The following FBXL7 variants were observed in gnomAD, a reference collection of about 807,000 sequenced individuals.
FBXL7 encodes F-box/LRR-repeat protein 7.
Under a neutral mutation model 38.3 loss-of-function variants are expected in FBXL7, and 12 were observed. The observed-to-expected ratio is 0.31, with a 90% CI of 0.20 to 0.51. The LOEUF (loss-of-function observed/expected upper bound fraction) is 0.51. FBXL7 is among the 20% of genes least tolerant of loss of function. The probability of loss-of-function intolerance (pLI) is 0.98; values close to 1 mark genes in which losing one functional copy is unlikely to be tolerated. For missense variants in FBXL7, 567 were observed against 676.4 expected (o/e 0.84, Z 1.79); for synonymous variants, 297 against 300.9 (o/e 0.99, Z 0.13).
chr5:15,928,123 T>C lies in FBXL7; in HGVS notation c.361T>C (p.Ser121Pro). 6.2e-7 allele frequency: 1 copy of C among 1,602,482 alleles called. No individual in the cohort carries two copies. Among genetic ancestry groups the C allele is most frequent in the Non-Finnish European group, 8.5e-7 (1 of 1,177,534 alleles). Residue 121 changes from serine to proline, a missense_variant, in exon 3 of 4, where the codon TCC (serine) becomes CCC (proline). Physicochemically the swap from Ser to Pro is moderately conservative, Grantham distance 74 (BLOSUM62 -1). Coordinates refer to ENST00000504595, the MANE Select transcript of FBXL7 (RefSeq NM_012304.5). The surrounding 1 kb of genome is among the most constrained non-coding windows in gnomAD (Gnocchi z 4.0). The part of the protein sequence containing the change: ...QASIDRLPDH[S>P]MVQIFSFLPT... ...CAGCATAGACCGGCTCCCGGACCAC[T>C]CCATGGTGCAGATCTTCTCCTTCCT... is the stretch of plus-strand genomic sequence containing the variant.
intron 2 of FBXL7, among the ~76,000 whole-genome samples, chr5:15,723,972 G>T (rs1462600382): frequency 6.6e-6 from 1 of 152,108 alleles, no homozygotes; most frequent in Non-Finnish European, 1.5e-5. Context: ...ATTTGGAAGG[G>T]CAATCCCCTC....
chr5:15,575,318 T>C (rs912568343), intron 1 of FBXL7, among the ~76,000 whole-genome samples: 4 of 152,246 alleles, frequency 2.6e-5, no homozygotes, highest in African/African-American at 9.6e-5. Context: ...ATTTATTTAC[T>C]TTTATCATTT....
rs557387685 is a variant in FBXL7, at chr5:15,539,908, G to A, written c.37+39195G>A. Among the ~76,000 whole-genome samples, 4 of 152,122 alleles carry A rather than the reference G, an allele frequency of 2.6e-5. No individual in the cohort carries two copies. The South Asian group carries it at 8.3e-4, about 32-fold the overall frequency. On this transcript the variant is annotated intron_variant, in intron 1 of 3. Coordinates refer to ENST00000504595, the MANE Select transcript of FBXL7 (RefSeq NM_012304.5). ...ATTTTTAGAAAATACAAAGTTGGGC[G>A]AAAACCTGCTTTCCTGGTTGTATTT...
chr5:15,706,538 T>G (rs1743685669), intron 2 of FBXL7, among the ~76,000 whole-genome samples: 1 of 152,156 alleles, frequency 6.6e-6, no homozygotes, highest in African/African-American at 2.4e-5. Flanking sequence ...TGGGATACAA[T>G]GTGTAGAGAA....
chr5:15,574,541 A>G (rs1738895807), intron 1 of FBXL7, among the ~76,000 whole-genome samples: 1 of 152,234 alleles, frequency 6.6e-6, no homozygotes, highest in Non-Finnish European at 1.5e-5. Context: ...AAACATTCAT[A>G]AACAGTGAAG....
chr5:15,566,212 T>C (rs1738567685), intron 1 of FBXL7, among the ~76,000 whole-genome samples: 1 of 152,048 alleles, frequency 6.6e-6, no homozygotes, highest in South Asian at 2.1e-4. Context: ...AGGGTGGGGT[T>C]CAAGCTTGCT....
chr5:15,739,315 C>T (rs1379511420), intron 2 of FBXL7, among the ~76,000 whole-genome samples: 1 of 152,176 alleles, frequency 6.6e-6, no homozygotes, highest in African/African-American at 2.4e-5. Flanking sequence ...TCCTTTCCAG[C>T]TGTAACTCAA....
chr5:15,522,130 A>C (rs1053007306), intron 1 of FBXL7, among the ~76,000 whole-genome samples: 5 of 152,198 alleles, frequency 3.3e-5, no homozygotes, highest in African/African-American at 1.2e-4. Flanking sequence ...AACTTTGGGC[A>C]TGACTTCTCA....
intron 2 of FBXL7, among the ~76,000 whole-genome samples, chr5:15,833,666 C>T (rs950228039): frequency 6.6e-6 from 1 of 152,270 alleles, no homozygotes; most frequent in African/African-American, 2.4e-5. Context: ...TGGGGCAAGG[C>T]TTTGCCGTTT....
chr5:15,854,276 G>A (rs189515794), intron 2 of FBXL7, among the ~76,000 whole-genome samples: 1 of 152,118 alleles, frequency 6.6e-6, no homozygotes, highest in Non-Finnish European at 1.5e-5. Flanking sequence ...CCTCATAAGT[G>A]TGTACATACG....
At chr5:15,732,181 C>A (rs922156935) in intron 2 of FBXL7, among the ~76,000 whole-genome samples, 1 of 152,222 alleles carries the variant, frequency 6.6e-6, no homozygotes, top group African/African-American at 2.4e-5. Flanking sequence ...GCGAATTCCA[C>A]AGATGTGCTT....
rs575560955 is a variant in FBXL7, at chr5:15,675,149, C to G, written c.127+59077C>G. On this transcript the variant is annotated intron_variant, in intron 2 of 3. Transcript: ENST00000504595. ...GATGCCAACTCCCTAAAAAATGCCA[C>G]TGAGCCAAAATACACTTTATCTTCA... Among the ~76,000 whole-genome samples, 4 of 152,344 alleles carry G rather than the reference C, an allele frequency of 2.6e-5. No individual in the cohort carries two copies. In the South Asian group the frequency reaches 8.3e-4, roughly 32 times the overall value.
intron 2 of FBXL7, among the ~76,000 whole-genome samples, chr5:15,692,865 G>A (rs1285034929): frequency 6.6e-6 from 1 of 152,144 alleles, no homozygotes; most frequent in Admixed American, 6.5e-5. Context: ...GGGAGAGAGT[G>A]GTGACTATGG....
chr5:15,718,956 T>C (rs1744119782), intron 2 of FBXL7, among the ~76,000 whole-genome samples: 1 of 152,180 alleles, frequency 6.6e-6, no homozygotes, highest in African/African-American at 2.4e-5. Flanking sequence ...CTCATTGCAA[T>C]CTGGGATCTG....
chr5:15,783,574 G>C (rs181474647), intron 2 of FBXL7, among the ~76,000 whole-genome samples: 162 of 152,252 alleles, frequency 1.1e-3, no homozygotes, highest in African/African-American at 3.6e-3. Context: ...AGGAGAATAG[G>C]AGGTCAGAAG....
At chr5:15,890,429 C>T (rs565340634) in intron 2 of FBXL7, among the ~76,000 whole-genome samples, 19 of 152,042 alleles carry the variant, frequency 1.2e-4, no homozygotes, top group African/African-American at 2.9e-4. Context: ...TTAGTACAGA[C>T]GGGGTTTCTC....
chr5:15,611,821 A>T (rs1036776714), intron 1 of FBXL7, among the ~76,000 whole-genome samples: 1 of 132,966 alleles, frequency 7.5e-6, no homozygotes, highest in African/African-American at 3.1e-5. Flanking sequence ...CATCTCTATT[A>T]AAAAAAAAAA....
chr5:15,694,382 C>T (rs1256482455), intron 2 of FBXL7, among the ~76,000 whole-genome samples: 7 of 152,198 alleles, frequency 4.6e-5, no homozygotes, highest in East Asian at 1.9e-4. Context: ...AGATGCTTAG[C>T]GAAAAAAGGT....
intron 1 of FBXL7, among the ~76,000 whole-genome samples, chr5:15,526,350 C>A (rs941219289): frequency 7.2e-5 from 11 of 152,108 alleles, no homozygotes; most frequent in African/African-American, 2.7e-4. Context: ...TCAACAGAAA[C>A]CCTCCTGAGG....
Sources: allele counts gnomAD v4.1 joint callset (sites outside exome capture counted in the v4.1 genomes callset), GRCh38; gene constraint gnomAD v4.1.1; non-coding constraint Gnocchi (gnomAD v3.1); transcripts MANE v1.5; gene names NCBI Gene and HGNC (gene_info 2026-07-23, HGNC 2026-07-21).